Variants in ERC1 observed in about 807,000 individuals in gnomAD.
The protein encoded by ERC1 is RAB6 interacting protein 2.
In ERC1, 56 loss-of-function variants were observed where a neutral mutation model predicts 132.0. The observed-to-expected ratio is 0.42, with a 90% CI of 0.34 to 0.53. ERC1 has a LOEUF of 0.53. Among genes scored for constraint, ERC1 ranks in the 20% least tolerant of loss-of-function variants. ERC1 has a pLI of 0.03. For synonymous variants in ERC1, 478 were observed against 476.1 expected (o/e 1.00, Z -0.05); for missense variants, 1,202 against 1,349.9 (o/e 0.89, Z 1.72).
In ERC1 at chr12:1,083,156, G is replaced by T; in HGVS notation, c.670-8G>T. ...GATTTGGGGGTTTTCTTTTTGTCTT[G>T]GTTCTAGCACATGCAGATGACAATC... On this transcript the variant is annotated splice_polypyrimidine_tract_variant and splice_region_variant and intron_variant, in intron 2 of 18. Transcript: ENST00000360905. 1 of 1,595,842 alleles carries T rather than the reference G, an allele frequency of 6.3e-7. No homozygotes were observed. Among genetic ancestry groups the T allele is most frequent in the South Asian group, 1.1e-5 (1 of 88,386 alleles).
intron 18 of ERC1, among the ~76,000 whole-genome samples, chr12:1,448,199 C>T (rs947299202): frequency 1.3e-5 from 2 of 152,206 alleles, no homozygotes; most frequent in Non-Finnish European, 2.9e-5. Context: ...ACATGACTTC[C>T]GTTAATATTG....
At chr12:1,039,624 A>G (rs557955197) in intron 2 of ERC1, among the ~76,000 whole-genome samples, 5 of 152,310 alleles carry the variant, frequency 3.3e-5, no homozygotes, top group Admixed American at 3.3e-4. Context: ...TCTTTTCCCT[A>G]CGATTAACAA....
At chr12:1,324,884 ATTCATCCCCACCTCACATGGGCAG>A (rs1210593635) in intron 15 of ERC1, among the ~76,000 whole-genome samples, 3 of 152,306 alleles carry the variant, frequency 2.0e-5, no homozygotes, top group Non-Finnish European at 4.4e-5. Flanking sequence ...TTTCAAGTCC[ATTCATCCCCACCTCACATGGGCAG>A]TCGCCCCTCA....
Position 1,469,924 on chromosome 12 carries a change from G to A in ERC1, c.3214-20169G>A, listed in dbSNP as rs560958837. On this transcript the variant is annotated intron_variant, in intron 18 of 18. Transcript: ENST00000360905. ...ACACAACTTGCCATGTCCCTGTGGT[G>A]TGCCATGAACTGGGCAGGTATGCCC... is the stretch of plus-strand genomic sequence containing the variant. Among the ~76,000 whole-genome samples the A allele has an allele frequency of 2.0e-4, 29 of 144,848 alleles. No individual in the cohort carries two copies. In the South Asian group the frequency reaches 6.3e-3, roughly 32 times the overall value.
chr12:1,480,313 G>GT (rs2094063511), intron 18 of ERC1, among the ~76,000 whole-genome samples: 1 of 152,120 alleles, frequency 6.6e-6, no homozygotes, highest in South Asian at 2.1e-4. Context: ...GTTATTGTTT[G>GT]TTTTTAGATA....
intron 15 of ERC1, among the ~76,000 whole-genome samples, chr12:1,300,846 C>T (rs948486637): frequency 5.9e-5 from 9 of 152,000 alleles, no homozygotes; most frequent in East Asian, 1.9e-4. Context: ...TACACACTGT[C>T]GGTGGGAGTA....
rs375256061 is a variant in ERC1, at chr12:1,255,702, G to A, written c.2488-7332G>A. On this transcript the variant is annotated intron_variant, in intron 13 of 18. Transcript: ENST00000360905. ...GGCTGGAGTGCAGTGGCGTGATCTC[G>A]GCTCACTGCAAGTTCTGCCTCCCGG... 9.4e-4 allele frequency among the ~76,000 whole-genome samples: 128 copies of A among 136,580 alleles called. No homozygotes were observed. In the South Asian group the frequency reaches 0.012, roughly 13 times the overall value. 89.6% of individuals were successfully genotyped at this position (136,580 alleles called of 152,430 possible). A position where few individuals can be genotyped will look rare whatever the true frequency, so the allele number is the denominator to read the frequency against.
At chr12:1,066,764 G>A (rs1640118537) in intron 2 of ERC1, among the ~76,000 whole-genome samples, 1 of 150,280 alleles carries the variant, frequency 6.7e-6, no homozygotes, top group Non-Finnish European at 1.5e-5. Context: ...TTGACGCTGG[G>A]AGGTGGAAGT....
chr12:1,359,872 G>C (rs1002846666), intron 15 of ERC1, among the ~76,000 whole-genome samples: 7 of 152,032 alleles, frequency 4.6e-5, no homozygotes, highest in Non-Finnish European at 1.0e-4. Flanking sequence ...GTCATCTTTA[G>C]AGTCTTCTAA....
At chr12:1,248,803 G>C (rs957321179) in intron 13 of ERC1, among the ~76,000 whole-genome samples, 4 of 152,156 alleles carry the variant, frequency 2.6e-5, no homozygotes, top group Non-Finnish European at 4.4e-5. Flanking sequence ...TGTTGCACGA[G>C]ACAAACAAGC....
At chr12:1,350,266 C>T (rs898573423) in intron 15 of ERC1, among the ~76,000 whole-genome samples, 3 of 152,126 alleles carry the variant, frequency 2.0e-5, no homozygotes, top group African/African-American at 7.2e-5. Context: ...CTGGGGCAGG[C>T]GGAGGCCAGC....
At chr12:1,119,257 TG>T (rs897571332) in intron 7 of ERC1, among the ~76,000 whole-genome samples, 7 of 132,272 alleles carry the variant, frequency 5.3e-5, no homozygotes, top group African/African-American at 1.0e-4. Flanking sequence ...TGTTTTGTTT[TG>T]TTTTTTTTGT....
intron 7 of ERC1, among the ~76,000 whole-genome samples, chr12:1,127,571 C>T (rs898286370): frequency 6.3e-4 from 95 of 151,054 alleles, no homozygotes; most frequent in Non-Finnish European, 1.6e-4. Context: ...GGCGCAGTCT[C>T]GGCTCACTTT....
intron 1 of ERC1, among the ~76,000 whole-genome samples, chr12:1,014,402 C>G (rs1965188231): frequency 6.6e-6 from 1 of 151,936 alleles, no homozygotes. Context: ...TCTCGAACTC[C>G]TGAGCTCAGG....
intron 2 of ERC1, among the ~76,000 whole-genome samples, chr12:1,061,968 GT>G (rs889521318): frequency 8.1e-5 from 11 of 135,214 alleles, no homozygotes; most frequent in Admixed American, 2.2e-4. Flanking sequence ...GGTATGTTGT[GT>G]TTTTTTTTCT....
At chr12:1,310,640 A>G (rs1274643672) in intron 15 of ERC1, among the ~76,000 whole-genome samples, 1 of 152,252 alleles carries the variant, frequency 6.6e-6, no homozygotes, top group Non-Finnish European at 1.5e-5. Context: ...GCATACAGTC[A>G]AAAGGCTTTT....
intron 15 of ERC1, among the ~76,000 whole-genome samples, chr12:1,351,969 C>T (rs1014362773): frequency 6.6e-6 from 1 of 151,940 alleles, no homozygotes; most frequent in Non-Finnish European, 1.5e-5. Context: ...AATGGTTAAA[C>T]GGTTGGTAAG....
intron 8 of ERC1, among the ~76,000 whole-genome samples, chr12:1,147,980 C>T (rs952955962): frequency 6.6e-6 from 1 of 152,128 alleles, no homozygotes; most frequent in African/African-American, 2.4e-5. Context: ...ATAAGGATTA[C>T]TTCATTTAAA....
chr12:1,004,517 C>T (rs1171549173), intron 1 of ERC1, among the ~76,000 whole-genome samples: 2 of 148,522 alleles, frequency 1.3e-5, no homozygotes, highest in Non-Finnish European at 3.0e-5. Context: ...GACAATTCTC[C>T]TGCCTCAGCC....
Sources: allele counts gnomAD v4.1 joint callset (sites outside exome capture counted in the v4.1 genomes callset), GRCh38; gene constraint gnomAD v4.1.1; transcripts MANE v1.5; gene names NCBI Gene and HGNC (gene_info 2026-07-23, HGNC 2026-07-21).